TENM3: variants seen among roughly 807,000 people sequenced by gnomAD.
TENM3 encodes teneurin-3.
In TENM3, 63 loss-of-function variants were observed where a neutral mutation model predicts 255.1. The observed-to-expected ratio is 0.25, with a 90% CI of 0.20 to 0.30. The LOEUF (loss-of-function observed/expected upper bound fraction) is 0.30, where lower values mean the gene tolerates loss of function less well. Ranked by LOEUF, TENM3 falls within the 10% of genes least tolerant of loss-of-function variation. The probability of loss-of-function intolerance (pLI) is 1.00; values close to 1 mark genes in which losing one functional copy is unlikely to be tolerated. For synonymous variants in TENM3, 1,306 were observed against 1,322.3 expected, an observed-to-expected ratio of 0.99 and a Z score of 0.27; for missense variants, 2,929 against 3,461.1, an observed-to-expected ratio of 0.85 and a Z score of 3.86.
the TENM3 span, among the ~76,000 whole-genome samples, chr4:181,752,701 G>T: frequency 6.6e-6 from 1 of 151,758 alleles, no homozygotes; most frequent in Non-Finnish European, 1.5e-5. Context: ...AACCCCTGCC[G>T]CAGACAGCAC....
At chr4:182,099,295 A>T in the TENM3 span, among the ~76,000 whole-genome samples, 1 of 152,140 alleles carries the variant, frequency 6.6e-6, no homozygotes, top group Admixed American at 6.5e-5. Context: ...GTCCATAAAA[A>T]TTTTAAATTA....
intron 7 of TENM3, among the ~76,000 whole-genome samples, chr4:182,679,167 C>T (rs902240115): frequency 1.3e-5 from 2 of 151,810 alleles, no homozygotes; most frequent in Non-Finnish European, 2.9e-5. Context: ...ATGTAACAAA[C>T]CAGCACATTC....
chr4:182,161,989 ATATATAT>A (rs1379495155), intron 1 of TENM3, among the ~76,000 whole-genome samples: 2 of 122,200 alleles, frequency 1.6e-5, no homozygotes, highest in East Asian at 4.6e-4. Flanking sequence ...ATATATATAT[ATATATAT>A]GATGCAAACA....
intron 2 of TENM3, among the ~76,000 whole-genome samples, chr4:182,340,500 T>C (rs1764420105): frequency 6.6e-6 from 1 of 152,218 alleles, no homozygotes; most frequent in Admixed American, 6.5e-5. Flanking sequence ...TAAGTTAGTT[T>C]CTTAAACCTG....
At chr4:182,452,923 C>A (rs1206530810) in intron 3 of TENM3, among the ~76,000 whole-genome samples, 2 of 151,998 alleles carry the variant, frequency 1.3e-5, no homozygotes, top group Admixed American at 6.6e-5. Context: ...GAATTGAGTT[C>A]TCTTGTTGGG....
intron 3 of TENM3, among the ~76,000 whole-genome samples, chr4:182,356,979 G>C (rs1304413371): frequency 2.7e-5 from 4 of 150,296 alleles, no homozygotes; most frequent in Non-Finnish European, 5.9e-5. Flanking sequence ...TTGGTTTTTT[G>C]TTCTTGCAAT....
the TENM3 span, among the ~76,000 whole-genome samples, chr4:181,870,057 T>A: frequency 6.6e-6 from 1 of 152,290 alleles, no homozygotes; most frequent in South Asian, 2.1e-4. Context: ...CCCTTGACCT[T>A]CATTGAAAGG....
intron 1 of TENM3, among the ~76,000 whole-genome samples, chr4:182,255,893 C>T (rs953832355): frequency 1.3e-5 from 2 of 152,342 alleles, no homozygotes; most frequent in South Asian, 4.1e-4. Flanking sequence ...CCCTTCACTA[C>T]ACCACGTCTT....
chr4:181,639,852 C>A, the TENM3 span, among the ~76,000 whole-genome samples: 1 of 152,202 alleles, frequency 6.6e-6, no homozygotes, highest in East Asian at 1.9e-4. Flanking sequence ...AGATCCACCC[C>A]AACAGATGAA....
intron 7 of TENM3, among the ~76,000 whole-genome samples, chr4:182,675,155 C>A (rs1000985357): frequency 6.6e-6 from 1 of 152,100 alleles, no homozygotes; most frequent in Admixed American, 6.5e-5. Context: ...GGATTACAGG[C>A]GTGAGCCACC....
intron 1 of TENM3, among the ~76,000 whole-genome samples, chr4:182,168,808 C>G (rs1352659007): frequency 2.1e-5 from 3 of 144,276 alleles, no homozygotes; most frequent in Admixed American, 2.1e-4. Context: ...CTTAGTGCTG[C>G]TCAACAGTTA....
the TENM3 span, among the ~76,000 whole-genome samples, chr4:181,780,463 A>G: frequency 7.9e-5 from 12 of 151,890 alleles, no homozygotes; most frequent in East Asian, 1.9e-4. Context: ...AATATCCTTC[A>G]CCCACTTTTT....
chr4:181,833,551 G>C, the TENM3 span, among the ~76,000 whole-genome samples: 1 of 152,102 alleles, frequency 6.6e-6, no homozygotes, highest in African/African-American at 2.4e-5. Flanking sequence ...AGGCTACTCA[G>C]GCCATTCAAA....
intron 1 of TENM3, among the ~76,000 whole-genome samples, chr4:182,279,169 C>T (rs1364466227): frequency 6.6e-6 from 1 of 152,128 alleles, no homozygotes; most frequent in Non-Finnish European, 1.5e-5. Context: ...TCCGCAGTGT[C>T]TTTATTTGCT....
the TENM3 span, among the ~76,000 whole-genome samples, chr4:181,731,477 G>A: frequency 3.9e-5 from 6 of 152,078 alleles, no homozygotes; most frequent in South Asian, 2.1e-4. Flanking sequence ...TCAGCCTCCC[G>A]AGTAGCTGGG....
chr4:181,724,409 C>T, the TENM3 span, among the ~76,000 whole-genome samples: 1 of 151,946 alleles, frequency 6.6e-6, no homozygotes, highest in Middle Eastern at 3.4e-3. Context: ...ATTCACCTAT[C>T]TTCCAACTCA....
chr4:181,653,252 G>C, the TENM3 span, among the ~76,000 whole-genome samples: 1 of 152,132 alleles, frequency 6.6e-6, no homozygotes, highest in African/African-American at 2.4e-5. Context: ...CAGATTGCTA[G>C]GCCCCAATTC....
chr4:182,537,393 T>G (rs1740441784), intron 3 of TENM3, among the ~76,000 whole-genome samples: 1 of 152,220 alleles, frequency 6.6e-6, no homozygotes, highest in Non-Finnish European at 1.5e-5. Flanking sequence ...TCTAGTTCAA[T>G]CTTCTAATTA....
the TENM3 span, among the ~76,000 whole-genome samples, chr4:182,085,758 A>C: frequency 6.6e-6 from 1 of 152,220 alleles, no homozygotes; most frequent in South Asian, 2.1e-4. Context: ...ATAATGAAAA[A>C]CATATATTAT....
Sources: gnomAD v4.1 joint callset for allele counts (sites outside exome capture counted in the v4.1 genomes callset) on GRCh38, gnomAD v4.1.1 for gene constraint, MANE v1.5 for transcripts, NCBI Gene and HGNC (gene_info 2026-07-23, HGNC 2026-07-21) for gene names.